NTM: variants seen among roughly 807,000 people sequenced by gnomAD.
NTM encodes the protein IgLON family member 2.
In NTM, 13 loss-of-function variants were observed where a neutral mutation model predicts 42.1. The observed-to-expected ratio is 0.31, with a 90% CI of 0.20 to 0.49. NTM has a LOEUF of 0.49. Among genes scored for constraint, NTM ranks in the 20% least tolerant of loss-of-function variants. NTM has a pLI of 0.99. For synonymous variants in NTM, 187 were observed against 179.2 expected, an observed-to-expected ratio of 1.04 and a Z score of -0.35; for missense variants, 373 against 452.8, an observed-to-expected ratio of 0.82 and a Z score of 1.60.
At chr11:132,031,154 GTA>G (rs1328119161) in intron 2 of NTM, among the ~76,000 whole-genome samples, 3 of 152,196 alleles carry the variant, frequency 2.0e-5, no homozygotes, top group Non-Finnish European at 4.4e-5. Context: ...CCTGCCAACA[GTA>G]GGAGGGGAAA....
chr11:131,659,722 C>A (rs1278214792), intron 1 of NTM, among the ~76,000 whole-genome samples: 1 of 152,164 alleles, frequency 6.6e-6, no homozygotes, highest in Admixed American at 6.5e-5. Flanking sequence ...CAATATTTGA[C>A]CGTAATTCCA....
At chr11:131,629,230 T>C (rs2063419422) in intron 1 of NTM, among the ~76,000 whole-genome samples, 1 of 151,788 alleles carries the variant, frequency 6.6e-6, no homozygotes, top group African/African-American at 2.4e-5. Flanking sequence ...TGGCTGCAAA[T>C]ACATTAAAGA....
chr11:132,308,271 T>A (rs535231887), intron 5 of NTM, among the ~76,000 whole-genome samples: 6 of 152,348 alleles, frequency 3.9e-5, no homozygotes, highest in South Asian at 4.1e-4. Flanking sequence ...TTATGGTATG[T>A]CTATTATATC....
At chr11:132,111,241 C>T (rs563999826) in intron 2 of NTM, among the ~76,000 whole-genome samples, 26 of 150,696 alleles carry the variant, frequency 1.7e-4, no homozygotes, top group Non-Finnish European at 2.4e-4. Flanking sequence ...TGTGTGTGTA[C>T]GTTTGTGTTG....
At chr11:131,932,267 G>A (rs2058711912) in intron 2 of NTM, among the ~76,000 whole-genome samples, 1 of 152,168 alleles carries the variant, frequency 6.6e-6, no homozygotes, top group Non-Finnish European at 1.5e-5. Context: ...CTGTGGAGTG[G>A]GGCGGGTCGA....
At position 131,823,296 on chromosome 11, in the gene NTM, T is replaced by G. The variant is rs548718219; in HGVS notation, c.83-88268T>G. 7.9e-5 allele frequency among the ~76,000 whole-genome samples: 12 copies of G among 152,298 alleles called. No homozygotes were observed. The South Asian group carries it at 2.5e-3, about 32-fold the overall frequency. ...CAGAAGCCACACATGTCCTCAGCCT[T>G]CAGCCTCTCACAGCTTTGTTGAATT... On this transcript the variant is annotated intron_variant, in intron 1 of 8. Transcript: ENST00000683400.
At chr11:132,306,062 C>T (rs2095067391) in intron 4 of NTM, among the ~76,000 whole-genome samples, 1 of 152,158 alleles carries the variant, frequency 6.6e-6, no homozygotes, top group Non-Finnish European at 1.5e-5. Flanking sequence ...GATGAGGCCC[C>T]GGTTGGGCCT....
chr11:131,461,206 C>A (rs1951345107), intron 1 of NTM, among the ~76,000 whole-genome samples: 1 of 152,180 alleles, frequency 6.6e-6, no homozygotes, highest in African/African-American at 2.4e-5. Context: ...TATAGCCAAT[C>A]TTCTGACAAT....
intron 1 of NTM, among the ~76,000 whole-genome samples, chr11:131,702,017 G>A (rs1484206273): frequency 2.0e-5 from 3 of 152,226 alleles, no homozygotes; most frequent in African/African-American, 7.2e-5. Context: ...TGGTGGGAAA[G>A]ACGTGGCTCC....
At chr11:131,462,513 C>T (rs1010981225) in intron 1 of NTM, among the ~76,000 whole-genome samples, 17 of 152,176 alleles carry the variant, frequency 1.1e-4, no homozygotes, top group South Asian at 2.1e-4. Context: ...GCAAATGGCA[C>T]GTTGAAGTTA....
At chr11:132,030,373 A>G (rs1490644424) in intron 2 of NTM, among the ~76,000 whole-genome samples, 2 of 152,192 alleles carry the variant, frequency 1.3e-5, no homozygotes, top group Admixed American at 6.5e-5. Flanking sequence ...CCCAAACCAA[A>G]ACACTGTGCT....
chr11:131,586,756 C>T (rs1204463564), intron 1 of NTM, among the ~76,000 whole-genome samples: 1 of 152,148 alleles, frequency 6.6e-6, no homozygotes, highest in African/African-American at 2.4e-5. Context: ...CTTTTCTCCT[C>T]TTAAGGTGCT....
chr11:131,423,130 T>G (rs543369987), intron 1 of NTM, among the ~76,000 whole-genome samples: 1 of 152,336 alleles, frequency 6.6e-6, no homozygotes, highest in South Asian at 2.1e-4. Flanking sequence ...ATTCAACATT[T>G]GAACAAGATC....
chr11:131,629,062 A>G (rs937572271), intron 1 of NTM, among the ~76,000 whole-genome samples: 2 of 152,212 alleles, frequency 1.3e-5, no homozygotes, highest in Admixed American at 1.3e-4. Context: ...TTTCTGCTCT[A>G]TGTTAGTGCA....
intron 1 of NTM, among the ~76,000 whole-genome samples, chr11:131,543,432 C>A (rs2053538137): frequency 6.6e-6 from 1 of 152,212 alleles, no homozygotes; most frequent in African/African-American, 2.4e-5. Context: ...CCAAGACCCA[C>A]AGAAGAGCAG....
At chr11:132,042,048 T>C (rs147666526) in intron 2 of NTM, among the ~76,000 whole-genome samples, 1 of 152,358 alleles carries the variant, frequency 6.6e-6, no homozygotes, top group Non-Finnish European at 1.5e-5. Flanking sequence ...CCTGGCATTC[T>C]ATTGAACTTG....
intron 1 of NTM, among the ~76,000 whole-genome samples, chr11:131,485,153 C>A (rs750941700): frequency 4.0e-4 from 61 of 152,200 alleles, no homozygotes; most frequent in Non-Finnish European, 7.9e-4. Context: ...TCCCCTATCC[C>A]AGAGATGCAT....
chr11:131,556,570 T>C (rs1195894835), intron 1 of NTM, among the ~76,000 whole-genome samples: 1 of 149,316 alleles, frequency 6.7e-6, no homozygotes, highest in African/African-American at 2.5e-5. Context: ...GGAATTTTTT[T>C]TTTTTTTTTT....
At chr11:131,979,731 G>A (rs1319395842) in intron 2 of NTM, among the ~76,000 whole-genome samples, 1 of 152,192 alleles carries the variant, frequency 6.6e-6, no homozygotes, top group Non-Finnish European at 1.5e-5. Flanking sequence ...GCCCCAAAGA[G>A]GACATGACAT....
Sources: allele counts gnomAD v4.1 joint callset (sites outside exome capture counted in the v4.1 genomes callset), GRCh38; gene constraint gnomAD v4.1.1; transcripts MANE v1.5; gene names NCBI Gene and HGNC (gene_info 2026-07-23, HGNC 2026-07-21).